EDA2R: variants seen among roughly 807,000 people sequenced by gnomAD.
EDA2R encodes the protein ectodysplasin A2 receptor.
Under a neutral mutation model 20.1 loss-of-function variants are expected in EDA2R, and 26 were observed. The observed-to-expected ratio is 1.30, with a 90% confidence interval of 0.95 to 1.80. EDA2R has a LOEUF of 1.80. EDA2R is among the 40% of genes most tolerant of loss of function. The pLI is 0.00. For synonymous variants in EDA2R, 114 were observed against 88.7 expected (o/e 1.29, Z -1.60); for missense variants, 277 against 228.7 (o/e 1.21, Z -1.36).
At chrX:66,622,507 A>G (rs1305573620) in intron 1 of EDA2R, among the ~76,000 whole-genome samples, 1 of 111,745 alleles carries the variant, frequency 8.9e-6, no homozygotes, top group Non-Finnish European at 1.9e-5. Context: ...GTACTTCAGG[A>G]TATTTGCTTT....
chrX:66,620,595 T>C (rs1052449996), intron 1 of EDA2R, among the ~76,000 whole-genome samples: 1 of 111,277 alleles, frequency 9.0e-6, no homozygotes, highest in Non-Finnish European at 1.9e-5. Flanking sequence ...AGGAAGTAGT[T>C]GCTTAGATAT....
At chrX:66,611,912 A>T (rs1197609663) in intron 2 of EDA2R, among the ~76,000 whole-genome samples, 2 of 111,695 alleles carry the variant, frequency 1.8e-5, no homozygotes, top group African/African-American at 6.5e-5. Context: ...AACTAAAAAA[A>T]ATATATTGAA....
At chrX:66,622,572 G>A (rs970255691) in intron 1 of EDA2R, among the ~76,000 whole-genome samples, 1 of 111,883 alleles carries the variant, frequency 8.9e-6, no homozygotes, top group African/African-American at 3.3e-5. Context: ...ACAGCAGATG[G>A]TCTCCATGCC....
intron 2 of EDA2R, among the ~76,000 whole-genome samples, chrX:66,607,985 GA>G (rs757572420): frequency 8.9e-6 from 1 of 111,822 alleles, no homozygotes; most frequent in Non-Finnish European, 1.9e-5. Flanking sequence ...AAGAAATCAG[GA>G]AACAAATGTA....
At position 66,597,649 on chromosome X, in the gene EDA2R, GTA is replaced by G. The variant is rs1485551702; in HGVS notation, c.*453_*454del. Reference sequence around the variant, plus strand: ...TTTGTGTGTCTATGTATATGTGTGTGTATGTGTGTGTGTGTGTGTTGAGGAGG... The same window carrying G: ...TTTGTGTGTCTATGTATATGTGTGTGTGTGTGTGTGTGTGTGTTGAGGAGG... On this transcript the variant is annotated 3_prime_UTR_variant, in exon 7 of 7. Coordinates refer to ENST00000374719, the MANE Select transcript of EDA2R (RefSeq NM_021783.5). 8.2e-6 allele frequency: 1 copy of G among 122,559 alleles called. No individual in the cohort carries two copies. The highest frequency in any genetic ancestry group is 1.6e-5 in the Non-Finnish European group (1 of 60,769). The allele number at this position is 122,559 out of a possible 1,213,427, so 10.1% of individuals were successfully genotyped here.
At chrX:66,603,400 C>T in intron 4 of EDA2R, among the ~76,000 whole-genome samples, 1 of 111,388 alleles carries the variant, frequency 9.0e-6, no homozygotes, top group East Asian at 2.8e-4. Context: ...ATGTATTTCC[C>T]TTACACCCTT....
intron 1 of EDA2R, among the ~76,000 whole-genome samples, chrX:66,631,811 T>C (rs914066815): frequency 9.0e-6 from 1 of 111,551 alleles, no homozygotes; most frequent in East Asian, 2.8e-4. Context: ...ATGAGAAGCG[T>C]GAAAGGAGCG....
intron 1 of EDA2R, among the ~76,000 whole-genome samples, chrX:66,630,044 G>T (rs1933569310): frequency 9.0e-6 from 1 of 111,148 alleles, no homozygotes; most frequent in African/African-American, 3.3e-5. Context: ...CCAAATACTT[G>T]CAGCCAACTG....
intron 2 of EDA2R, among the ~76,000 whole-genome samples, chrX:66,606,545 G>A (rs1180062069): frequency 1.8e-5 from 2 of 112,118 alleles, no homozygotes; most frequent in African/African-American, 6.5e-5. Context: ...CAGAAACATA[G>A]AAAAACAAGC....
chrX:66,612,645 A>G (rs989829235), intron 2 of EDA2R, among the ~76,000 whole-genome samples: 5 of 111,492 alleles, frequency 4.5e-5, no homozygotes, highest in Non-Finnish European at 9.4e-5. Flanking sequence ...GGACAAAAGA[A>G]ACAGAGAAAA....
chrX:66,633,420 T>A (rs771143386), intron 1 of EDA2R, among the ~76,000 whole-genome samples: 13 of 111,724 alleles, frequency 1.2e-4, no homozygotes, highest in Non-Finnish European at 2.3e-4. Context: ...AAAACGTTCT[T>A]CTACTGACTG....
At chrX:66,625,336 G>A (rs1042219182) in intron 1 of EDA2R, among the ~76,000 whole-genome samples, 4 of 111,166 alleles carry the variant, frequency 3.6e-5, no homozygotes, top group Admixed American at 1.9e-4. Flanking sequence ...AGCACAGTGG[G>A]AGTGAGACTG....
chrX:66,618,534 G>A (rs1932093470), intron 1 of EDA2R, among the ~76,000 whole-genome samples: 1 of 112,293 alleles, frequency 8.9e-6, no homozygotes, highest in African/African-American at 3.2e-5. Flanking sequence ...GTATCACAAA[G>A]GATGTGGCTG....
chrX:66,598,486 C>T (rs1010752833), intron 6 of EDA2R, among the ~76,000 whole-genome samples: 1 of 111,443 alleles, frequency 9.0e-6, no homozygotes, highest in Admixed American at 9.5e-5. Flanking sequence ...CCACCAGTCA[C>T]AATTGTGTAT....
intron 5 of EDA2R, 55 bp downstream of exon 5, chrX:66,602,578 T>C: frequency 2.7e-6 from 3 of 1,120,146 alleles, no homozygotes; most frequent in Non-Finnish European, 3.6e-6. Context: ...CCCTCTCTTC[T>C]GCCAATAAGA....
At chrX:66,620,965 C>CA (rs376190384) in intron 1 of EDA2R, among the ~76,000 whole-genome samples, 29,386 of 54,931 alleles carry the variant, frequency 0.53, 9,848 homozygotes, top group East Asian at 0.9. Flanking sequence ...TATCCACTAC[C>CA]AAAAAAAAAA....
chrX:66,615,637 C>A (rs766669499), intron 2 of EDA2R, among the ~76,000 whole-genome samples: 73 of 111,381 alleles, frequency 6.6e-4, no homozygotes, highest in African/African-American at 1.4e-3. Context: ...TGTGGTTGGG[C>A]CTTGCTTTAG....
chrX:66,621,770 A>C, intron 1 of EDA2R, among the ~76,000 whole-genome samples: 1 of 111,977 alleles, frequency 8.9e-6, no homozygotes, highest in Non-Finnish European at 1.9e-5. Flanking sequence ...GTGACTGCTG[A>C]ATAGGTATGT....
At chrX:66,609,584 T>C (rs1445731820) in intron 2 of EDA2R, among the ~76,000 whole-genome samples, 2 of 111,823 alleles carry the variant, frequency 1.8e-5, no homozygotes, top group Admixed American at 9.5e-5. Flanking sequence ...TATTAGGAAA[T>C]ATAATGTAGT....
Sources: gnomAD v4.1 joint callset for allele counts (sites outside exome capture counted in the v4.1 genomes callset) on GRCh38, gnomAD v4.1.1 for gene constraint, MANE v1.5 for transcripts, NCBI Gene and HGNC (gene_info 2026-07-23, HGNC 2026-07-21) for gene names.